The following ICE1 variants were observed in gnomAD, a reference collection of about 807,000 sequenced individuals.
ICE1 encodes little elongation complex subunit 1.
Under a neutral mutation model 192.7 loss-of-function variants are expected in ICE1, and 64 were observed. That is an observed-to-expected ratio of 0.33 (90% confidence interval 0.27 to 0.41). ICE1 has a LOEUF of 0.41. Among genes scored for constraint, ICE1 ranks in the 10% least tolerant of loss-of-function variants. The probability of loss-of-function intolerance (pLI) is 1.00; values close to 1 mark genes in which losing one functional copy is unlikely to be tolerated. For synonymous variants in ICE1, 1,010 were observed against 984.5 expected (o/e 1.03, Z -0.49); for missense variants, 2,708 against 2,696.0 (o/e 1.00, Z -0.10).
At chr5:5,450,536 T>C (rs1475830919) in intron 10 of ICE1, among the ~76,000 whole-genome samples, 1 of 152,182 alleles carries the variant, frequency 6.6e-6, no homozygotes, top group East Asian at 1.9e-4. Flanking sequence ...GGAACTTTCC[T>C]GAGCAGAGAA....
intron 1 of ICE1, among the ~76,000 whole-genome samples, chr5:5,435,738 C>A (rs1197543112): frequency 7.2e-6 from 1 of 139,434 alleles, no homozygotes; most frequent in Non-Finnish European, 1.5e-5. Flanking sequence ...GGCACGATCT[C>A]GGCTCACTGC....
At position 5,449,889 on chromosome 5, in the gene ICE1, A is replaced by G. The variant is rs539028862; in HGVS notation, c.604+1992A>G. Among the ~76,000 whole-genome samples the G allele has an allele frequency of 2.0e-5, 3 of 152,312 alleles. No homozygotes were observed. In the South Asian group the frequency reaches 6.2e-4, roughly 32 times the overall value. ...GGGCTAGCCCCTCCTCTTCCCAGAA[A>G]ACAAGATGTTTATATACTCCATGTA... On this transcript the variant is annotated intron_variant, in intron 10 of 18. Coordinates refer to ENST00000296564, the MANE Select transcript of ICE1 (RefSeq NM_015325.3).
chr5:5,425,226 A>T (rs750667198), intron 1 of ICE1, among the ~76,000 whole-genome samples: 5 of 152,132 alleles, frequency 3.3e-5, no homozygotes, highest in Non-Finnish European at 5.9e-5. Context: ...CTAGAAATTG[A>T]ATCTCCTTCC....
At chr5:5,446,098 ACT>A (rs1316978204) in intron 7 of ICE1, among the ~76,000 whole-genome samples, 6 of 151,222 alleles carry the variant, frequency 4.0e-5, no homozygotes, top group Admixed American at 1.3e-4. Flanking sequence ...GCTCATGGTA[ACT>A]CTGCCTTCAG....
At chr5:5,427,606 C>G (rs1335151398) in intron 1 of ICE1, among the ~76,000 whole-genome samples, 2 of 152,184 alleles carry the variant, frequency 1.3e-5, no homozygotes, top group Non-Finnish European at 2.9e-5. Context: ...TAAACTTGTG[C>G]TGGACTCCCA....
At chr5:5,423,535 T>A (rs762662621) in intron 1 of ICE1, among the ~76,000 whole-genome samples, 4 of 152,236 alleles carry the variant, frequency 2.6e-5, no homozygotes, top group Non-Finnish European at 4.4e-5. Flanking sequence ...GCAAGCCAAG[T>A]AATTGGTCAA....
intron 10 of ICE1, among the ~76,000 whole-genome samples, chr5:5,448,109 T>A (rs1002673175): frequency 6.6e-6 from 1 of 152,188 alleles, no homozygotes; most frequent in African/African-American, 2.4e-5. Flanking sequence ...GAGTCAAAAA[T>A]CAATATTGTT....
chr5:5,458,522 C>T (rs936763238), intron 12 of ICE1, among the ~76,000 whole-genome samples: 3 of 152,074 alleles, frequency 2.0e-5, no homozygotes, highest in African/African-American at 7.2e-5. Flanking sequence ...GGGCAGGTTG[C>T]GGGGCAGGCA....
At chr5:5,488,752 ATC>A (rs1291986478) in intron 18 of ICE1, among the ~76,000 whole-genome samples, 9 of 152,210 alleles carry the variant, frequency 5.9e-5, no homozygotes, top group African/African-American at 2.2e-4. Flanking sequence ...TCCCGTGGAT[ATC>A]TCATAGAGTC....
At chr5:5,472,304 C>T (rs1206487347) in intron 15 of ICE1, among the ~76,000 whole-genome samples, 1 of 152,112 alleles carries the variant, frequency 6.6e-6, no homozygotes, top group Non-Finnish European at 1.5e-5. Context: ...TAATTACATT[C>T]TGTTAAACAT....
chr5:5,448,941 G>A (rs1309305231), intron 10 of ICE1, among the ~76,000 whole-genome samples: 2 of 152,186 alleles, frequency 1.3e-5, no homozygotes, highest in South Asian at 2.1e-4. Context: ...AATAGTTACT[G>A]CTGAGAGAAA....
At chr5:5,471,706 C>CTTATTAAATATCTTACTACTTAT (rs1224597752) in intron 15 of ICE1, among the ~76,000 whole-genome samples, 2 of 152,070 alleles carry the variant, frequency 1.3e-5, no homozygotes, top group Non-Finnish European at 2.9e-5. Flanking sequence ...ATGAAGGAAA[C>CTTATTAAATATCTTACTACTTAT]TTATTAAATA....
chr5:5,488,141 C>T (rs2111410286), intron 18 of ICE1, among the ~76,000 whole-genome samples: 1 of 152,284 alleles, frequency 6.6e-6, no homozygotes, highest in Admixed American at 6.5e-5. Context: ...TCTGTGCTTT[C>T]TCATTGCTTG....
At chr5:5,441,755 T>C (rs999689203) in intron 5 of ICE1, among the ~76,000 whole-genome samples, 2 of 152,188 alleles carry the variant, frequency 1.3e-5, no homozygotes, top group Non-Finnish European at 2.9e-5. Context: ...GTCAATATTT[T>C]AAGCAATGTC....
Position 5,478,913 on chromosome 5 carries a change from G to C in ICE1, c.6520+2834G>C, listed in dbSNP as rs560273748. ...TAGCCGTATGCATAAAACTGAAATT[G>C]GACCCCTTCCTTACACCTTATACAA... is the stretch of plus-strand genomic sequence containing the variant. On this transcript the variant is annotated intron_variant, in intron 17 of 18. Coordinates refer to ENST00000296564, the MANE Select transcript of ICE1 (RefSeq NM_015325.3). 2.6e-5 allele frequency among the ~76,000 whole-genome samples: 4 copies of C among 152,212 alleles called. No homozygotes were observed. In the East Asian group the frequency reaches 5.8e-4, roughly 22 times the overall value.
chr5:5,463,058 G>T lies in ICE1; in HGVS notation c.3724G>T (p.Asp1242Tyr), dbSNP rs1167630119. 8.7e-6 allele frequency: 14 copies of T among 1,613,648 alleles called. No individual in the cohort carries two copies. The Middle Eastern group carries it at 4.9e-4, about 57-fold the overall frequency. The change falls in exon 13 of 19, where the codon GAT becomes TAT. Residue 1242 changes from aspartate to tyrosine, a missense_variant. Physicochemically the swap from Asp to Tyr is radical, Grantham distance 160. This residue lies in a region of ICE1 where 2,366 missense variants were observed against 2,276.6 expected (regional missense o/e 1.04). Coordinates refer to ENST00000296564, the MANE Select transcript of ICE1 (RefSeq NM_015325.3). ...AGAGTGGATTGAATCAGAGGAAGAT[G>T]ATTATTCGTTAAAAAATACAAGTCA... ...CEEWIESEED[D>Y]YSLKNTSQLT...
At chr5:5,435,696 G>A (rs1348412426) in intron 1 of ICE1, among the ~76,000 whole-genome samples, 5 of 71,314 alleles carry the variant, frequency 7.0e-5, no homozygotes, top group African/African-American at 2.5e-4. Context: ...TTTTTTTTTC[G>A]AGATGGAATC....
chr5:5,439,882 T>C lies in ICE1; in HGVS notation c.179-13T>C, dbSNP rs1737986962. 1.3e-6 allele frequency: 2 copies of C among 1,537,440 alleles called. No homozygotes were observed. The highest frequency in any genetic ancestry group is 8.8e-7 in the Non-Finnish European group (1 of 1,138,258). ...AAGATAAAATTCTCAGAGTTTTCTT[T>C]AATAAGTTTTACAGCTGCAGTTTGC... On this transcript the variant is annotated splice_polypyrimidine_tract_variant and intron_variant, in intron 3 of 18. Transcript: ENST00000296564.
At chr5:5,460,228 T>C (rs1161537555) in intron 12 of ICE1, among the ~76,000 whole-genome samples, 1 of 152,196 alleles carries the variant, frequency 6.6e-6, no homozygotes, top group East Asian at 1.9e-4. Flanking sequence ...TGCGGGGTGC[T>C]GGGCACCCTT....
Sources: gnomAD v4.1 joint callset for allele counts (sites outside exome capture counted in the v4.1 genomes callset) on GRCh38, gnomAD v4.1.1 for gene constraint, gnomAD v4.1.1 regional missense constraint, MANE v1.5 for transcripts, NCBI Gene and HGNC (gene_info 2026-07-23, HGNC 2026-07-21) for gene names.